Variants in CCDC126 observed in about 807,000 individuals in gnomAD.
CCDC126 encodes coiled-coil domain-containing protein 126.
A neutral mutation model predicts 11.7 loss-of-function variants in CCDC126; 5 were observed. The ratio of observed to expected loss-of-function variants is 0.43; its 90% confidence interval spans 0.22 to 0.90. The LOEUF (loss-of-function observed/expected upper bound fraction) is 0.90. CCDC126 is among the 40% of genes least tolerant of loss of function. The probability of loss-of-function intolerance (pLI) is 0.27; values close to 1 mark genes in which losing one functional copy is unlikely to be tolerated. For missense variants in CCDC126, 150 were observed against 163.1 expected, an observed-to-expected ratio of 0.92 and a Z score of 0.44; for synonymous variants, 60 against 61.9, an observed-to-expected ratio of 0.97 and a Z score of 0.14.
chr7:23,632,826 A>G (rs897027541), intron 3 of CCDC126, among the ~76,000 whole-genome samples: 1 of 152,222 alleles, frequency 6.6e-6, no homozygotes, highest in Admixed American at 6.5e-5. Context: ...TATGATTTTG[A>G]TGTAGATATT....
At position 23,643,300 on chromosome 7, in the gene CCDC126, C is replaced by A; in HGVS notation, c.*185C>A. The A allele has an allele frequency of 1.8e-6, 1 of 556,202 alleles. No homozygotes were observed. The highest frequency in any genetic ancestry group is 3.0e-6 in the Non-Finnish European group (1 of 329,224). 34.5% of individuals were successfully genotyped at this position (556,202 alleles called of 1,614,324 possible). A position where few individuals can be genotyped will look rare whatever the true frequency, so the allele number is the denominator to read the frequency against. On this transcript the variant is annotated 3_prime_UTR_variant, in exon 4 of 4. Transcript: ENST00000307471. ...TAAAAATTTTAAAGTTATTTGTTTG[C>A]TTTCAGGCAAGTCTGTTCAATGCTG...
intron 3 of CCDC126, among the ~76,000 whole-genome samples, chr7:23,637,261 T>G (rs1584218560): frequency 6.2e-3 from 2 of 322 alleles, no homozygotes; most frequent in Non-Finnish European, 0.011. Flanking sequence ...GTGGGGGGGG[T>G]CAGCCCCCCG....
chr7:23,606,711 G>A (rs929914276), intron 2 of CCDC126, among the ~76,000 whole-genome samples: 10 of 152,072 alleles, frequency 6.6e-5, no homozygotes, highest in African/African-American at 2.2e-4. Flanking sequence ...TTTCTCCTGG[G>A]AATCTTAAAA....
chr7:23,641,380 G>C (rs1243554351), intron 3 of CCDC126, among the ~76,000 whole-genome samples: 1 of 152,120 alleles, frequency 6.6e-6, no homozygotes, highest in East Asian at 1.9e-4. Flanking sequence ...AATTGTAAGA[G>C]ATCTTTATAT....
intron 2 of CCDC126, among the ~76,000 whole-genome samples, chr7:23,608,715 A>C (rs1309215752): frequency 6.6e-6 from 1 of 152,180 alleles, no homozygotes; most frequent in Admixed American, 6.5e-5. Context: ...TGGTGGTTCT[A>C]ATGGGTTCTC....
intron 2 of CCDC126, among the ~76,000 whole-genome samples, chr7:23,605,519 A>G (rs1377874146): frequency 6.6e-6 from 1 of 152,152 alleles, no homozygotes; most frequent in African/African-American, 2.4e-5. Context: ...GTACGTTCAC[A>G]TCATCATGCA....
chr7:23,620,746 A>G (rs1584204481), intron 3 of CCDC126, among the ~76,000 whole-genome samples: 1 of 151,928 alleles, frequency 6.6e-6, no homozygotes, highest in Admixed American at 6.6e-5. Flanking sequence ...ATCTTGAATT[A>G]ATTTTTGTAT....
At chr7:23,602,031 A>T (rs936905357) in intron 2 of CCDC126, 1 of 152,184 alleles carries the variant, frequency 6.6e-6, no homozygotes, top group Admixed American at 6.5e-5. Flanking sequence ...AGACAAGCAC[A>T]TATCTTTATG....
chr7:23,604,605 A>T (rs1324409017), intron 2 of CCDC126, among the ~76,000 whole-genome samples: 1 of 152,180 alleles, frequency 6.6e-6, no homozygotes, highest in Admixed American at 6.5e-5. Context: ...CCAGTATTAA[A>T]TAGGTATTGT....
At chr7:23,633,826 CT>C (rs756851353) in intron 3 of CCDC126, among the ~76,000 whole-genome samples, 3 of 151,832 alleles carry the variant, frequency 2.0e-5, no homozygotes, top group Non-Finnish European at 2.9e-5. Context: ...GCACTCCAGC[CT>C]GGGCAGGGAC....
intron 3 of CCDC126, among the ~76,000 whole-genome samples, chr7:23,617,605 T>C (rs1390910494): frequency 1.3e-5 from 2 of 152,070 alleles, no homozygotes; most frequent in African/African-American, 4.8e-5. Context: ...ATATTTATAA[T>C]GACTTCTCAT....
intron 3 of CCDC126, among the ~76,000 whole-genome samples, chr7:23,637,665 A>G (rs1229678711): frequency 5.0e-4 from 2 of 4,028 alleles, no homozygotes; most frequent in African/African-American, 2.6e-3. Flanking sequence ...TGGGGGGGTC[A>G]GCCCCCCGCC....
At chr7:23,617,816 G>A (rs560185826) in intron 3 of CCDC126, among the ~76,000 whole-genome samples, 4 of 152,224 alleles carry the variant, frequency 2.6e-5, no homozygotes, top group South Asian at 2.1e-4. Context: ...AGTACTGTGC[G>A]TCACTTTTGA....
intron 3 of CCDC126, among the ~76,000 whole-genome samples, chr7:23,638,755 A>G (rs1783294465): frequency 7.2e-6 from 1 of 137,934 alleles, no homozygotes; most frequent in Non-Finnish European, 1.6e-5. Flanking sequence ...AACCAAAAAG[A>G]TCTATAGCAG....
chr7:23,637,128 C>T (rs1450473878), intron 3 of CCDC126, among the ~76,000 whole-genome samples: 7 of 59,882 alleles, frequency 1.2e-4, no homozygotes, highest in East Asian at 5.3e-4. Flanking sequence ...AGGTGAGGGG[C>T]GCCTCTGCCC....
Position 23,611,866 on chromosome 7 carries a change from G to A in CCDC126, c.238+313G>A, listed in dbSNP as rs1007734946. Among the ~76,000 whole-genome samples the A allele has an allele frequency of 3.9e-5, 6 of 152,162 alleles. No homozygotes were observed. In the South Asian group the frequency reaches 8.3e-4, roughly 21 times the overall value. On this transcript the variant is annotated intron_variant, in intron 3 of 3. Coordinates refer to ENST00000307471, the MANE Select transcript of CCDC126 (RefSeq NM_138771.4). ...CTGAAAAAAATGTATGTTGGAGGCC[G>A]GGCGTGATGGCTCACGCCTGTAATC...
intron 3 of CCDC126, among the ~76,000 whole-genome samples, chr7:23,624,817 T>C (rs1011625383): frequency 1.3e-5 from 2 of 152,238 alleles, no homozygotes; most frequent in Non-Finnish European, 2.9e-5. Flanking sequence ...AGGTCTATTT[T>C]ATCCTTTTTA....
At chr7:23,637,960 G>T (rs1783268930) in intron 3 of CCDC126, among the ~76,000 whole-genome samples, 1 of 125,782 alleles carries the variant, frequency 8.0e-6, no homozygotes, top group Non-Finnish European at 1.8e-5. Context: ...GTCCGGGAGG[G>T]AGGTGGGGGG....
chr7:23,629,482 G>A (rs1335161630), intron 3 of CCDC126, among the ~76,000 whole-genome samples: 2 of 152,054 alleles, frequency 1.3e-5, no homozygotes, highest in Non-Finnish European at 2.9e-5. Flanking sequence ...AGCCTGAATA[G>A]GCTAAGACAA....
Sources: gnomAD v4.1 joint callset for allele counts (sites outside exome capture counted in the v4.1 genomes callset) on GRCh38, gnomAD v4.1.1 for gene constraint, MANE v1.5 for transcripts, NCBI Gene and HGNC (gene_info 2026-07-23, HGNC 2026-07-21) for gene names.